CNTN3: variants seen among roughly 807,000 people sequenced by gnomAD.
The protein encoded by CNTN3 is contactin 3, also known as contactin-3.
CNTN3 carries 60 observed loss-of-function variants against 119.1 expected under a neutral mutation model. That is an observed-to-expected ratio of 0.50 (90% confidence interval 0.41 to 0.62). The LOEUF (loss-of-function observed/expected upper bound fraction) is 0.62. Ranked by LOEUF, CNTN3 falls within the 20% of genes least tolerant of loss-of-function variation. The pLI, the probability that CNTN3 is intolerant of heterozygous loss-of-function variation, is 0.00. For synonymous variants in CNTN3, 450 were observed against 438.7 expected (o/e 1.03, Z -0.32); for missense variants, 1,101 against 1,242.4 (o/e 0.89, Z 1.71).
Position 74,336,990 on chromosome 3 carries a change from T to A in CNTN3, c.1365-332A>T, listed in dbSNP as rs546479040. 2.0e-5 allele frequency among the ~76,000 whole-genome samples: 3 copies of A among 152,248 alleles called. No homozygotes were observed. In the East Asian group the frequency reaches 5.8e-4, roughly 29 times the overall value. On this transcript the variant is annotated intron_variant, in intron 11 of 22. Coordinates refer to ENST00000263665, the MANE Select transcript of CNTN3 (RefSeq NM_020872.3). ...GTTTTCCAAAAATATTAATATATGTTGTGGTAGATTATTCATGGAGTTAGC... is the reference window on the plus strand; with the variant it reads ...GTTTTCCAAAAATATTAATATATGTAGTGGTAGATTATTCATGGAGTTAGC...
chr3:74,408,131 C>A (rs1013566749), intron 5 of CNTN3, among the ~76,000 whole-genome samples: 9 of 152,168 alleles, frequency 5.9e-5, no homozygotes, highest in African/African-American at 2.2e-4. Flanking sequence ...GGAATAAATT[C>A]TGCTCCACTG....
intron 1 of CNTN3, among the ~76,000 whole-genome samples, chr3:74,585,854 T>A (rs7433173): frequency 1 from 151,969 of 152,274 alleles, 75,833 homozygotes; most frequent in Middle Eastern, 1. Flanking sequence ...TGTCCATTTA[T>A]GACAGTTTTC....
chr3:74,589,136 C>G (rs1257976368), intron 1 of CNTN3, among the ~76,000 whole-genome samples: 1 of 151,664 alleles, frequency 6.6e-6, no homozygotes, highest in African/African-American at 2.4e-5. Context: ...AGCTTCTGCA[C>G]AGCAAAAGAA....
chr3:74,492,339 G>A (rs970864450), intron 3 of CNTN3, among the ~76,000 whole-genome samples: 2 of 152,048 alleles, frequency 1.3e-5, no homozygotes, highest in Admixed American at 1.3e-4. Context: ...TAGAAGTCCT[G>A]GGTTACTGGC....
In CNTN3 at chr3:74,470,581, G is replaced by T. The variant is rs906629648; in HGVS notation, c.358+15875C>A. On this transcript the variant is annotated intron_variant, in intron 4 of 22. Coordinates refer to ENST00000263665, the MANE Select transcript of CNTN3 (RefSeq NM_020872.3). ...AAAAGCCTTGGGTGGATTTCATCCA[G>T]GAGCATTTGGGCAGAGTATGGCCCG... 2.0e-5 allele frequency among the ~76,000 whole-genome samples: 3 copies of T among 152,110 alleles called. No individual in the cohort carries two copies. The South Asian group carries it at 6.2e-4, about 31-fold the overall frequency.
At chr3:74,505,072 T>C (rs1374808039) in intron 2 of CNTN3, among the ~76,000 whole-genome samples, 1 of 152,094 alleles carries the variant, frequency 6.6e-6, no homozygotes, top group Non-Finnish European at 1.5e-5. Context: ...TCATCTTCCC[T>C]TTATGTGTGT....
intron 13 of CNTN3, among the ~76,000 whole-genome samples, chr3:74,333,156 T>TA (rs1703306894): frequency 6.6e-6 from 1 of 152,232 alleles, no homozygotes; most frequent in South Asian, 2.1e-4. Context: ...CAAAACGGAA[T>TA]AAATGACAGA....
At chr3:74,535,475 G>C (rs1703750969) in intron 1 of CNTN3, among the ~76,000 whole-genome samples, 1 of 152,088 alleles carries the variant, frequency 6.6e-6, no homozygotes, top group Non-Finnish European at 1.5e-5. Context: ...CACAATGGGA[G>C]GGAGAGAGAG....
At chr3:74,282,764 ATGGC>A (rs1702039121) in intron 20 of CNTN3, among the ~76,000 whole-genome samples, 1 of 152,198 alleles carries the variant, frequency 6.6e-6, no homozygotes, top group African/African-American at 2.4e-5. Context: ...AATATTATTA[ATGGC>A]TCTAAGAGAT....
intron 2 of CNTN3, among the ~76,000 whole-genome samples, chr3:74,503,308 C>A (rs7613298): frequency 6.6e-6 from 1 of 152,064 alleles, no homozygotes. Context: ...AGTTAATGGC[C>A]TATGAGGCAC....
rs114813049 is a variant in CNTN3, at chr3:74,270,456, C to T, written c.2705-3078G>A. On this transcript the variant is annotated intron_variant, in intron 20 of 22. Coordinates refer to ENST00000263665, the MANE Select transcript of CNTN3 (RefSeq NM_020872.3). ...CAGAATGGATCAGATCTGAATCTCACTCATGATGAACATATAGTATGAGTT... is the reference window on the plus strand; with the variant it reads ...CAGAATGGATCAGATCTGAATCTCATTCATGATGAACATATAGTATGAGTT... Among the ~76,000 whole-genome samples, 1,041 of 152,206 alleles carry T rather than the reference C, an allele frequency of 6.8e-3. 20 individuals are homozygous for T. The highest frequency in any genetic ancestry group is 0.023 in the African/African-American group (969 of 41,522).
chr3:74,320,481 A>T (rs1416604191), intron 13 of CNTN3, among the ~76,000 whole-genome samples: 1 of 152,136 alleles, frequency 6.6e-6, no homozygotes, highest in Admixed American at 6.5e-5. Flanking sequence ...GAACACATGG[A>T]CACAGGAAGG....
At chr3:74,479,180 A>G in intron 4 of CNTN3, among the ~76,000 whole-genome samples, 1 of 152,132 alleles carries the variant, frequency 6.6e-6, no homozygotes, top group Non-Finnish European at 1.5e-5. Context: ...AACTAAAGAC[A>G]GGAAATCATA....
At chr3:74,580,991 G>A (rs1704495932) in intron 1 of CNTN3, among the ~76,000 whole-genome samples, 2 of 152,148 alleles carry the variant, frequency 1.3e-5, no homozygotes, top group African/African-American at 4.8e-5. Flanking sequence ...AGTGCTGCTG[G>A]GATTACAGGC....
chr3:74,291,967 A>G (rs1702240464), intron 19 of CNTN3, among the ~76,000 whole-genome samples: 1 of 152,122 alleles, frequency 6.6e-6, no homozygotes, highest in Non-Finnish European at 1.5e-5. Context: ...AGCTTCAGAC[A>G]TTTATGTCTG....
chr3:74,539,842 C>G (rs1157721838), intron 1 of CNTN3, among the ~76,000 whole-genome samples: 1 of 152,068 alleles, frequency 6.6e-6, no homozygotes, highest in Non-Finnish European at 1.5e-5. Flanking sequence ...ACAGTCCAAA[C>G]GTACAGGCTT....
chr3:74,493,697 G>T (rs971405968), intron 3 of CNTN3, among the ~76,000 whole-genome samples: 3 of 152,120 alleles, frequency 2.0e-5, no homozygotes, highest in Admixed American at 1.3e-4. Flanking sequence ...ATGTGTCTGT[G>T]TTCAAATGCA....
At chr3:74,347,251 C>T (rs921837325) in intron 11 of CNTN3, among the ~76,000 whole-genome samples, 1 of 152,160 alleles carries the variant, frequency 6.6e-6, no homozygotes, top group Non-Finnish European at 1.5e-5. Flanking sequence ...ACTACTGTGA[C>T]CCTAAACCAA....
intron 20 of CNTN3, among the ~76,000 whole-genome samples, chr3:74,270,564 C>T (rs944581536): frequency 1.3e-5 from 2 of 152,152 alleles, no homozygotes; most frequent in Non-Finnish European, 2.9e-5. Flanking sequence ...TCTGACATAG[C>T]TATTAACCAG....
Sources: gnomAD v4.1 joint callset for allele counts (sites outside exome capture counted in the v4.1 genomes callset) on GRCh38, gnomAD v4.1.1 for gene constraint, MANE v1.5 for transcripts, NCBI Gene and HGNC (gene_info 2026-07-23, HGNC 2026-07-21) for gene names.